The following CMSS1 variants were observed in gnomAD, a reference collection of about 807,000 sequenced individuals.
The protein encoded by CMSS1 is cms1 ribosomal small subunit homolog.
Under a neutral mutation model 43.5 loss-of-function variants are expected in CMSS1, and 33 were observed. That is an observed-to-expected ratio of 0.76 (90% CI 0.57 to 1.01). CMSS1 has a LOEUF of 1.01. Among genes scored for constraint, CMSS1 ranks in the 50% least tolerant of loss-of-function variants. CMSS1 has a pLI of 0.00. For synonymous variants in CMSS1, 115 were observed against 117.2 expected (o/e 0.98, Z 0.12); for missense variants, 313 against 326.4 (o/e 0.96, Z 0.32).
chr3:99,823,097 G>A (rs529380468), intron 1 of CMSS1, among the ~76,000 whole-genome samples: 3 of 152,080 alleles, frequency 2.0e-5, no homozygotes, highest in African/African-American at 4.8e-5. Context: ...ATCTGTTATC[G>A]GCTTAAAGAG....
At chr3:100,126,020 A>G (rs960148509) in intron 1 of CMSS1, among the ~76,000 whole-genome samples, 1 of 152,194 alleles carries the variant, frequency 6.6e-6, no homozygotes, top group Admixed American at 6.5e-5. Context: ...ACAAAATAAG[A>G]TATAACGTCT....
intron 2 of CMSS1, among the ~76,000 whole-genome samples, chr3:100,153,211 C>G (rs1393286717): frequency 6.6e-6 from 1 of 151,644 alleles, no homozygotes; most frequent in Non-Finnish European, 1.5e-5. Context: ...ATGCTAAATT[C>G]CTTGCCTCAG....
chr3:100,003,946 A>G (rs1709915092), intron 1 of CMSS1, among the ~76,000 whole-genome samples: 1 of 152,330 alleles, frequency 6.6e-6, no homozygotes, highest in South Asian at 2.1e-4. Flanking sequence ...GTTGTATTCA[A>G]TGAGTCTATG....
chr3:99,849,780 C>A (rs747990242), intron 1 of CMSS1: 1 of 1,613,536 alleles, frequency 6.2e-7, no homozygotes, highest in South Asian at 1.1e-5. Context: ...TCAGTCTTTC[C>A]ACTTCTTGAG....
At position 100,109,751 on chromosome 3, in the gene CMSS1, T is replaced by C. The variant is rs1272888508; in HGVS notation, c.65-37222T>C. Among the ~76,000 whole-genome samples, 3 of 152,156 alleles carry C rather than the reference T, an allele frequency of 2.0e-5. No homozygotes were observed. The East Asian group carries it at 5.8e-4, about 29-fold the overall frequency. On this transcript the variant is annotated intron_variant, in intron 1 of 9. Transcript: ENST00000421999. ...GGTTGTTTCCAGGTTTTGGCAATTA[T>C]GAATGAAGCCACTGTAAATATTGTT...
At chr3:99,979,824 G>A (rs375813860) in intron 1 of CMSS1, among the ~76,000 whole-genome samples, 1 of 152,136 alleles carries the variant, frequency 6.6e-6, no homozygotes, top group Non-Finnish European at 1.5e-5. Flanking sequence ...ATTTAGTTGG[G>A]AGACAAGATG....
At chr3:99,925,654 G>A (rs1428433130) in intron 1 of CMSS1, among the ~76,000 whole-genome samples, 1 of 152,184 alleles carries the variant, frequency 6.6e-6, no homozygotes, top group African/African-American at 2.4e-5. Context: ...GCTTATACGT[G>A]GATGCTAAGC....
chr3:99,966,999 A>T (rs1280313721), intron 1 of CMSS1, among the ~76,000 whole-genome samples: 2 of 152,174 alleles, frequency 1.3e-5, no homozygotes, highest in East Asian at 3.9e-4. Flanking sequence ...TTAGGTGATC[A>T]TTGCATTCTC....
rs182417021 is a variant in CMSS1, at chr3:99,850,250, C to T, written c.64+32207C>T. ...AATTCTGTCTTTTCTAGCCGACTTTCAATGGCTTCTAGCTCTTTGATCCTT... is the reference window on the plus strand; with the variant it reads ...AATTCTGTCTTTTCTAGCCGACTTTTAATGGCTTCTAGCTCTTTGATCCTT... On this transcript the variant is annotated intron_variant, in intron 1 of 9. Coordinates refer to ENST00000421999, the MANE Select transcript of CMSS1 (RefSeq NM_032359.4). 244 of 1,613,816 alleles carry T rather than the reference C, an allele frequency of 1.5e-4. 1 individual carries two copies. The East Asian group carries it at 4.2e-3, about 28-fold the overall frequency.
intron 1 of CMSS1, among the ~76,000 whole-genome samples, chr3:99,845,998 A>G (rs958926836): frequency 1.3e-5 from 2 of 152,242 alleles, no homozygotes; most frequent in African/African-American, 4.8e-5. Context: ...TCATAATAGA[A>G]CACAAGACTT....
chr3:100,139,609 G>GTGTGTATATATAT (rs1387902860), intron 1 of CMSS1, among the ~76,000 whole-genome samples: 1 of 145,678 alleles, frequency 6.9e-6, no homozygotes, highest in Admixed American at 6.8e-5. Flanking sequence ...ATATATGTGT[G>GTGTGTATATATAT]TGTGTATATA....
intron 1 of CMSS1, among the ~76,000 whole-genome samples, chr3:100,023,790 C>G (rs1245644723): frequency 6.6e-6 from 1 of 152,178 alleles, no homozygotes; most frequent in Non-Finnish European, 1.5e-5. Context: ...CTCTGCATGT[C>G]TTACTCTCAG....
chr3:99,969,187 G>A (rs1331307902), intron 1 of CMSS1, among the ~76,000 whole-genome samples: 1 of 152,096 alleles, frequency 6.6e-6, no homozygotes, highest in Non-Finnish European at 1.5e-5. Flanking sequence ...AGTGCACAAG[G>A]ACAGGTCCAG....
chr3:100,080,693 A>G (rs919492692), intron 1 of CMSS1, among the ~76,000 whole-genome samples: 2 of 152,222 alleles, frequency 1.3e-5, no homozygotes, highest in Admixed American at 6.5e-5. Flanking sequence ...GGTTTGTCAC[A>G]TGATTAGAAT....
intron 1 of CMSS1, among the ~76,000 whole-genome samples, chr3:100,117,876 T>TACAC (rs1559763373): frequency 8.3e-6 from 1 of 120,018 alleles, no homozygotes; most frequent in African/African-American, 3.2e-5. Context: ...TATATATATA[T>TACAC]ATACACATAC....
At chr3:99,916,644 G>A (rs551632921) in intron 1 of CMSS1, among the ~76,000 whole-genome samples, 5 of 152,192 alleles carry the variant, frequency 3.3e-5, no homozygotes, top group South Asian at 2.1e-4. Context: ...ATGGTGAATC[G>A]GAGACTTAAC....
At chr3:99,910,894 C>T (rs1706766629) in intron 1 of CMSS1, among the ~76,000 whole-genome samples, 1 of 152,150 alleles carries the variant, frequency 6.6e-6, no homozygotes, top group Non-Finnish European at 1.5e-5. Flanking sequence ...CAGTTATATT[C>T]TCTAAGTAAG....
At chr3:100,091,524 C>T (rs2066109842) in intron 1 of CMSS1, among the ~76,000 whole-genome samples, 1 of 152,180 alleles carries the variant, frequency 6.6e-6, no homozygotes, top group South Asian at 2.1e-4. Flanking sequence ...AGCCTTCTAC[C>T]CTGTTCCCAG....
At chr3:99,829,535 A>T (rs1254121664) in intron 1 of CMSS1, among the ~76,000 whole-genome samples, 1 of 152,242 alleles carries the variant, frequency 6.6e-6, no homozygotes, top group Non-Finnish European at 1.5e-5. Flanking sequence ...CCTGTTTTAC[A>T]TGTGGAAACT....
Sources: gnomAD v4.1 joint callset for allele counts (sites outside exome capture counted in the v4.1 genomes callset) on GRCh38, gnomAD v4.1.1 for gene constraint, MANE v1.5 for transcripts, NCBI Gene and HGNC (gene_info 2026-07-23, HGNC 2026-07-21) for gene names.